The following MOB3B variants were observed in gnomAD, a reference collection of about 807,000 sequenced individuals.
MOB3B encodes the protein MOB kinase activator 3B.
A neutral mutation model predicts 18.7 loss-of-function variants in MOB3B; 7 were observed. That is an observed-to-expected ratio of 0.37 (90% CI 0.21 to 0.70). The LOEUF (loss-of-function observed/expected upper bound fraction) is 0.70, where lower values mean the gene tolerates loss of function less well. Among genes scored for constraint, MOB3B ranks in the 30% least tolerant of loss-of-function variants. The pLI is 0.52. For synonymous variants in MOB3B, 111 were observed against 99.9 expected, an observed-to-expected ratio of 1.11 and a Z score of -0.66; for missense variants, 253 against 281.3, an observed-to-expected ratio of 0.90 and a Z score of 0.72.
Position 27,383,874 on chromosome 9 carries a change from C to T in MOB3B, c.419-24638G>A, listed in dbSNP as rs185319953. Among the ~76,000 whole-genome samples the T allele has an allele frequency of 3.3e-5, 5 of 152,256 alleles. No homozygotes were observed. The East Asian group carries it at 9.6e-4, about 29-fold the overall frequency. On this transcript the variant is annotated intron_variant, in intron 2 of 3. Coordinates refer to ENST00000262244, the MANE Select transcript of MOB3B (RefSeq NM_024761.5). Reference sequence around the variant, plus strand: ...AGATTAAATTTATTGTATTGTCTAGCATTTCCCCAAAGTTTGCTCTGGATA... The same window carrying T: ...AGATTAAATTTATTGTATTGTCTAGTATTTCCCCAAAGTTTGCTCTGGATA...
intron 2 of MOB3B, among the ~76,000 whole-genome samples, chr9:27,373,742 C>A (rs903253982): frequency 1.3e-5 from 2 of 152,178 alleles, no homozygotes; most frequent in African/African-American, 4.8e-5. Flanking sequence ...CCTGGGCATC[C>A]AATGGCACCA....
intron 1 of MOB3B, among the ~76,000 whole-genome samples, chr9:27,474,139 G>T (rs1048658935): frequency 3.9e-5 from 6 of 152,070 alleles, no homozygotes; most frequent in African/African-American, 1.2e-4. Flanking sequence ...ATATTTACAC[G>T]ATCTCATTTT....
At position 27,412,769 on chromosome 9, in the gene MOB3B, C is replaced by A. The variant is rs1208254975; in HGVS notation, c.418+42364G>T. ...AGCCTGCTTTGAACAGAAACAGTGA[C>A]CGTGGTGGGTTAGCTTATTATAGCT... On this transcript the variant is annotated intron_variant, in intron 2 of 3. Coordinates refer to ENST00000262244, the MANE Select transcript of MOB3B (RefSeq NM_024761.5). Among the ~76,000 whole-genome samples, 7 of 152,194 alleles carry A rather than the reference C, an allele frequency of 4.6e-5. No homozygotes were observed. The South Asian group carries it at 6.2e-4, about 14-fold the overall frequency.
chr9:27,493,383 G>A (rs1358379633), intron 1 of MOB3B, among the ~76,000 whole-genome samples: 1 of 152,186 alleles, frequency 6.6e-6, no homozygotes, highest in Non-Finnish European at 1.5e-5. Context: ...GCTCACACCT[G>A]TAATCCCAGC....
intron 2 of MOB3B, among the ~76,000 whole-genome samples, chr9:27,404,963 G>A (rs1821944269): frequency 6.6e-6 from 1 of 151,952 alleles, no homozygotes; most frequent in Non-Finnish European, 1.5e-5. Context: ...ATTTTAATTG[G>A]GGTGACAGGA....
At chr9:27,423,178 C>G (rs1200289025) in intron 2 of MOB3B, among the ~76,000 whole-genome samples, 1 of 152,154 alleles carries the variant, frequency 6.6e-6, no homozygotes, top group Non-Finnish European at 1.5e-5. Context: ...AGTCATTTTA[C>G]TACATTGGGC....
chr9:27,517,490 A>T (rs1820253806), intron 1 of MOB3B, among the ~76,000 whole-genome samples: 1 of 151,978 alleles, frequency 6.6e-6, no homozygotes, highest in Non-Finnish European at 1.5e-5. Context: ...TCTACTAAAA[A>T]TACAAAAATT....
chr9:27,438,183 G>A (rs1260949020), intron 2 of MOB3B, among the ~76,000 whole-genome samples: 1 of 152,198 alleles, frequency 6.6e-6, no homozygotes, highest in African/African-American at 2.4e-5. Flanking sequence ...TCACCCTACC[G>A]TATACTACTG....
At chr9:27,362,651 C>T (rs1428775169) in intron 2 of MOB3B, among the ~76,000 whole-genome samples, 3 of 152,132 alleles carry the variant, frequency 2.0e-5, no homozygotes, top group African/African-American at 7.2e-5. Context: ...TGCAGTCACC[C>T]CAGGCCAACT....
chr9:27,469,834 T>C (rs1329849589), intron 1 of MOB3B, among the ~76,000 whole-genome samples: 1 of 151,984 alleles, frequency 6.6e-6, no homozygotes, highest in African/African-American at 2.4e-5. Flanking sequence ...ACCTAGAATT[T>C]CAGCACTTTG....
intron 2 of MOB3B, among the ~76,000 whole-genome samples, chr9:27,424,660 C>G (rs1277514746): frequency 1.3e-5 from 2 of 152,170 alleles, no homozygotes; most frequent in Non-Finnish European, 2.9e-5. Context: ...TGCGCAGACT[C>G]TACAAAGGGC....
At chr9:27,528,356 T>C (rs769403261) in intron 1 of MOB3B, among the ~76,000 whole-genome samples, 1 of 152,242 alleles carries the variant, frequency 6.6e-6, no homozygotes, top group Non-Finnish European at 1.5e-5. Flanking sequence ...AACCAACCAC[T>C]GGACGCTCTG....
intron 2 of MOB3B, among the ~76,000 whole-genome samples, chr9:27,418,091 C>CAAAAAAAAAAAAAAAAAAAAAA (rs57850999): frequency 9.1e-5 from 4 of 44,086 alleles, no homozygotes; most frequent in Non-Finnish European, 8.8e-5. Context: ...GACTCCACCT[C>CAAAAAAAAAAAAAAAAAAAAAA]AAAAAAAAAA....
chr9:27,332,363 T>C (rs1186258000), intron 3 of MOB3B, among the ~76,000 whole-genome samples: 1 of 152,150 alleles, frequency 6.6e-6, no homozygotes, highest in East Asian at 1.9e-4. Context: ...GTGTGTGTGT[T>C]TGAGAGAGAC....
In MOB3B at chr9:27,517,330, A is replaced by G. The variant is rs140175493; in HGVS notation, c.-199+12225T>C. On this transcript the variant is annotated intron_variant, in intron 1 of 3. Coordinates refer to ENST00000262244, the MANE Select transcript of MOB3B (RefSeq NM_024761.5). ...AACTATCATTTATTGTCCACATTCT[A>G]TATTTACACAGTTATACAATTCTAT... 1.4e-3 allele frequency among the ~76,000 whole-genome samples: 207 copies of G among 152,198 alleles called. 1 individual carries two copies. Among genetic ancestry groups the G allele is most frequent in the Non-Finnish European group, 2.6e-3 (179 of 68,008 alleles).
At chr9:27,356,950 C>T (rs1440144984) in intron 3 of MOB3B, among the ~76,000 whole-genome samples, 1 of 151,208 alleles carries the variant, frequency 6.6e-6, no homozygotes, top group Non-Finnish European at 1.5e-5. Flanking sequence ...TCTTTCCATA[C>T]TATTTGTCCA....
At chr9:27,423,524 T>C (rs1386851567) in intron 2 of MOB3B, among the ~76,000 whole-genome samples, 1 of 152,054 alleles carries the variant, frequency 6.6e-6, no homozygotes. Context: ...AAAGAAGGTA[T>C]GGAGCATTTA....
intron 3 of MOB3B, among the ~76,000 whole-genome samples, chr9:27,356,048 T>C (rs1821186778): frequency 6.6e-6 from 1 of 152,182 alleles, no homozygotes. Flanking sequence ...TAATGGACAC[T>C]GCATGTGCTA....
chr9:27,348,740 G>A (rs930629728), intron 3 of MOB3B, among the ~76,000 whole-genome samples: 41 of 152,254 alleles, frequency 2.7e-4, no homozygotes, highest in African/African-American at 9.4e-4. Flanking sequence ...CTAATGAATG[G>A]AAAGTGGGAA....
Sources: gnomAD v4.1 joint callset for allele counts (sites outside exome capture counted in the v4.1 genomes callset) on GRCh38, gnomAD v4.1.1 for gene constraint, MANE v1.5 for transcripts, NCBI Gene and HGNC (gene_info 2026-07-23, HGNC 2026-07-21) for gene names.